The following ATG13 variants were observed in gnomAD, a reference collection of about 807,000 sequenced individuals.
The protein encoded by ATG13 is autophagy-related protein 13.
In ATG13, 23 loss-of-function variants were observed where a neutral mutation model predicts 65.5. The ratio of observed to expected loss-of-function variants is 0.35; its 90% CI spans 0.25 to 0.50. ATG13 has a LOEUF of 0.50. Ranked by LOEUF, ATG13 falls within the 20% of genes least tolerant of loss-of-function variation. The pLI is 0.98. For synonymous variants in ATG13, 252 were observed against 245.2 expected, an observed-to-expected ratio of 1.03 and a Z score of -0.26; for missense variants, 566 against 677.0, an observed-to-expected ratio of 0.84 and a Z score of 1.82.
Position 46,649,126 on chromosome 11 carries a change from C to G in ATG13, c.271-11C>G, listed in dbSNP as rs1039301104. On this transcript the variant is annotated splice_polypyrimidine_tract_variant and intron_variant, in intron 5 of 18. Coordinates refer to ENST00000683050, the MANE Select transcript of ATG13 (RefSeq NM_001346311.2). ...TTTTAAACAAATATTTTAAATTTGT[C>G]CTTTCTACAGGGAGATTCCATGGAG... 1 of 1,603,138 alleles carries G rather than the reference C, an allele frequency of 6.2e-7. No homozygotes were observed. The highest frequency in any genetic ancestry group is 1.7e-5 in the Admixed American group (1 of 58,346).
chr11:46,636,428 A>G (rs780396219), intron 2 of ATG13, among the ~76,000 whole-genome samples: 1 of 151,982 alleles, frequency 6.6e-6, no homozygotes, highest in Non-Finnish European at 1.5e-5. Context: ...CATGGTGGCA[A>G]GCACCTGTAG....
chr11:46,665,579 C>CCGT, intron 14 of ATG13, 60 bp downstream of exon 14: 2 of 1,579,964 alleles, frequency 1.3e-6, no homozygotes, highest in Admixed American at 3.6e-5. Context: ...GGCTCCCTGA[C>CCGT]ACACGTGCTT....
intron 7 of ATG13, 103 bp downstream of exon 7, chr11:46,650,420 G>A (rs1342188509): frequency 2.6e-5 from 37 of 1,437,404 alleles, no homozygotes; most frequent in Non-Finnish European, 3.3e-5. Context: ...ACAGTTGGTT[G>A]GTTTGTTGGA....
At chr11:46,629,846 A>G (rs937446757) in intron 1 of ATG13, 199 bp from the exon 2 acceptor site, 2 of 152,210 alleles carry the variant, frequency 1.3e-5, no homozygotes, top group Non-Finnish European at 1.5e-5. Flanking sequence ...CAGAGTGACT[A>G]CATATATCTG....
At chr11:46,641,242 T>G (rs2055880670) in intron 2 of ATG13, among the ~76,000 whole-genome samples, 1 of 152,166 alleles carries the variant, frequency 6.6e-6, no homozygotes, top group Non-Finnish European at 1.5e-5. Context: ...CAGCTAATTT[T>G]TGTATTTTTA....
intron 14 of ATG13, among the ~76,000 whole-genome samples, chr11:46,666,954 A>G (rs2062506932): frequency 6.6e-6 from 1 of 151,736 alleles, no homozygotes; most frequent in Non-Finnish European, 1.5e-5. Flanking sequence ...AAAATAATTT[A>G]TGTCATTCCT....
intron 2 of ATG13, among the ~76,000 whole-genome samples, chr11:46,638,976 T>TTTTATTTA (rs1209568485): frequency 2.0e-5 from 3 of 151,444 alleles, no homozygotes; most frequent in Non-Finnish European, 4.4e-5. Flanking sequence ...CTCGGCTGAT[T>TTTTATTTA]TTTATTTATT....
At chr11:46,631,173 C>G (rs1474581965) in intron 2 of ATG13, among the ~76,000 whole-genome samples, 4 of 151,914 alleles carry the variant, frequency 2.6e-5, no homozygotes, top group Non-Finnish European at 5.9e-5. Flanking sequence ...TAAGTAGAAC[C>G]CTATATGTAT....
At chr11:46,628,818 G>A (rs1008239513) in intron 1 of ATG13, among the ~76,000 whole-genome samples, 1 of 151,904 alleles carries the variant, frequency 6.6e-6, no homozygotes, top group African/African-American at 2.4e-5. Flanking sequence ...ACAAATTTTG[G>A]CAAATGCATA....
chr11:46,670,146 T>TTTAA (rs2063373968), intron 18 of ATG13, among the ~76,000 whole-genome samples: 3 of 152,184 alleles, frequency 2.0e-5, no homozygotes, highest in Admixed American at 1.3e-4. Context: ...CTATGGTAGC[T>TTTAA]GCCCTGGATT....
chr11:46,622,380 G>A (rs1377243652), intron 1 of ATG13, among the ~76,000 whole-genome samples: 2 of 151,810 alleles, frequency 1.3e-5, no homozygotes, highest in African/African-American at 4.8e-5. Context: ...GTCTCCCAAA[G>A]TGCTGGGATT....
At chr11:46,625,829 A>G (rs1302283576) in intron 1 of ATG13, among the ~76,000 whole-genome samples, 2 of 152,178 alleles carry the variant, frequency 1.3e-5, no homozygotes, top group Admixed American at 1.3e-4. Flanking sequence ...TTAGGCGCAT[A>G]AAGGAATTTA....
At chr11:46,627,605 G>A (rs2050156172) in intron 1 of ATG13, among the ~76,000 whole-genome samples, 1 of 151,644 alleles carries the variant, frequency 6.6e-6, no homozygotes, top group African/African-American at 2.4e-5. Flanking sequence ...CAAGTAGCTG[G>A]GATTACAGGC....
chr11:46,638,553 C>T (rs2054785801), intron 2 of ATG13: 1 of 152,184 alleles, frequency 6.6e-6, no homozygotes, highest in African/African-American at 2.4e-5. Flanking sequence ...TAACTGTGGC[C>T]TTGTACCTGC....
At chr11:46,646,463 G>GT (rs1159444843) in intron 5 of ATG13, among the ~76,000 whole-genome samples, 32 of 37,076 alleles carry the variant, frequency 8.6e-4, no homozygotes, top group Non-Finnish European at 4.3e-3. Context: ...TTTGTTTTTT[G>GT]TTTTTGTTTT....
At chr11:46,665,027 G>A in intron 13 of ATG13, 68 bp downstream of exon 13, 1 of 1,425,700 alleles carries the variant, frequency 7.0e-7, no homozygotes, top group Non-Finnish European at 9.8e-7. Flanking sequence ...GCAATTGAGG[G>A]GTCTCTCAAG....
At chr11:46,627,622 C>T (rs1342472678) in intron 1 of ATG13, among the ~76,000 whole-genome samples, 3 of 151,844 alleles carry the variant, frequency 2.0e-5, no homozygotes, top group South Asian at 2.1e-4. Context: ...AGGCATGTGT[C>T]ACCATGCCTG....
rs756702137 is a variant in ATG13, at chr11:46,667,890, G to A, written c.1251+3G>A. 2 of 1,602,710 alleles carry A rather than the reference G, an allele frequency of 1.2e-6. No homozygotes were observed. The highest frequency in any genetic ancestry group is 2.2e-5 in the South Asian group (2 of 90,758). Reference sequence around the variant, plus strand: ...TTGTCAACAAACCCATTAACCAGGTGATTTTTCTGCCACTGCCACCTGTGA... The same window carrying A: ...TTGTCAACAAACCCATTAACCAGGTAATTTTTCTGCCACTGCCACCTGTGA... On this transcript the variant is annotated splice_donor_region_variant and intron_variant, in intron 15 of 18. Transcript: ENST00000683050.
At chr11:46,620,484 A>G (rs1318734442) in intron 1 of ATG13, among the ~76,000 whole-genome samples, 1 of 151,928 alleles carries the variant, frequency 6.6e-6, no homozygotes, top group Non-Finnish European at 1.5e-5. Flanking sequence ...TTAGAAAAAC[A>G]ACTCAATTGG....
Sources: gnomAD v4.1 joint callset for allele counts (sites outside exome capture counted in the v4.1 genomes callset) on GRCh38, gnomAD v4.1.1 for gene constraint, MANE v1.5 for transcripts, NCBI Gene and HGNC (gene_info 2026-07-23, HGNC 2026-07-21) for gene names.